Variants in NCKAP1 observed in about 807,000 individuals in gnomAD.
The protein encoded by NCKAP1 is nck-associated protein 1.
Under a neutral mutation model 151.2 loss-of-function variants are expected in NCKAP1, and 21 were observed. The observed-to-expected ratio is 0.14, with a 90% CI of 0.10 to 0.20. The LOEUF is 0.20. Among genes scored for constraint, NCKAP1 ranks in the 10% least tolerant of loss-of-function variants. The probability of loss-of-function intolerance (pLI) is 1.00; values close to 1 mark genes in which losing one functional copy is unlikely to be tolerated. For synonymous variants in NCKAP1, 484 were observed against 451.8 expected, an observed-to-expected ratio of 1.07 and a Z score of -0.90; for missense variants, 933 against 1,352.1, an observed-to-expected ratio of 0.69 and a Z score of 4.86.
chr2:182,959,042 T>C lies in NCKAP1; in HGVS notation c.1882-1446A>G, dbSNP rs577509203. On this transcript the variant is annotated intron_variant, in intron 18 of 30. Transcript: ENST00000361354. Reference sequence around the variant, plus strand: ...CCTGTTTCTTTCTAAGTTTTGTGTATGGCTACTACAAAATTTTAAATTACA... The same window carrying C: ...CCTGTTTCTTTCTAAGTTTTGTGTACGGCTACTACAAAATTTTAAATTACA... 4.1e-4 allele frequency among the ~76,000 whole-genome samples: 62 copies of C among 152,360 alleles called. 1 individual carries two copies. The highest frequency in any genetic ancestry group is 6.8e-3 in the Middle Eastern group (2 of 294).
At chr2:182,926,950 T>A (rs762741101) in intron 29 of NCKAP1, 45 bp from the exon 30 acceptor site, 1 of 1,307,658 alleles carries the variant, frequency 7.6e-7, no homozygotes, top group Non-Finnish European at 1.1e-6. Context: ...TAATAAAAGG[T>A]TCATCGGTTA....
intron 24 of NCKAP1, among the ~76,000 whole-genome samples, chr2:182,940,479 G>A (rs1001581018): frequency 1.7e-4 from 25 of 150,366 alleles, no homozygotes; most frequent in African/African-American, 5.4e-4. Flanking sequence ...TGCTCTTGTC[G>A]CCCAGGCTGT....
chr2:183,037,477 G>C (rs747812656), intron 1 of NCKAP1, among the ~76,000 whole-genome samples: 25 of 151,816 alleles, frequency 1.6e-4, no homozygotes, highest in Non-Finnish European at 5.9e-5. Flanking sequence ...AAATAAAGTG[G>C]CAAAGTGGAG....
chr2:182,994,858 T>C lies in NCKAP1; in HGVS notation c.771A>G (p.Ala257=). 1 of 1,606,828 alleles carries C rather than the reference T, an allele frequency of 6.2e-7. No individual in the cohort carries two copies. Among genetic ancestry groups the C allele is most frequent in the Non-Finnish European group, 8.5e-7 (1 of 1,173,514 alleles). ...TMPCEYLSLD[A]MEKWIIFGFI... is the part of the protein sequence containing the mutation. Reference sequence around the variant, plus strand: ...ACTTACAGATAATCCACTTTTCCATTGCATCCAAAGAGAGGTATTCACAAG... The same window carrying C: ...ACTTACAGATAATCCACTTTTCCATCGCATCCAAAGAGAGGTATTCACAAG... The change falls in exon 8 of 31, where the codon GCA becomes GCG. Residue 257 remains alanine, a synonymous_variant. Coordinates refer to ENST00000361354, the MANE Select transcript of NCKAP1 (RefSeq NM_013436.5).
intron 24 of NCKAP1, among the ~76,000 whole-genome samples, chr2:182,935,916 T>A (rs545158955): frequency 6.6e-6 from 1 of 152,114 alleles, no homozygotes; most frequent in South Asian, 2.1e-4. Context: ...CTGAACAGAT[T>A]TGATCACTTA....
At chr2:182,950,009 C>A (rs1301531197) in intron 23 of NCKAP1, among the ~76,000 whole-genome samples, 2 of 152,140 alleles carry the variant, frequency 1.3e-5, no homozygotes, top group Non-Finnish European at 2.9e-5. Flanking sequence ...GTGATGTTTG[C>A]TATTTTAGAA....
intron 24 of NCKAP1, among the ~76,000 whole-genome samples, chr2:182,940,515 C>T (rs1696975207): frequency 6.6e-6 from 1 of 152,134 alleles, no homozygotes; most frequent in South Asian, 2.1e-4. Flanking sequence ...TCTCAGCCGA[C>T]TGCAACCTCC....
intron 10 of NCKAP1, among the ~76,000 whole-genome samples, chr2:182,983,917 GC>G (rs1173137288): frequency 4.6e-5 from 7 of 151,958 alleles, no homozygotes; most frequent in Admixed American, 3.3e-4. Flanking sequence ...TGTAATCCCA[GC>G]TACTTGGGAG....
At chr2:183,005,910 C>T (rs1177123559) in intron 2 of NCKAP1, among the ~76,000 whole-genome samples, 1 of 152,178 alleles carries the variant, frequency 6.6e-6, no homozygotes, top group East Asian at 1.9e-4. Context: ...ATCCCATTTT[C>T]AGAAAACCGC....
intron 23 of NCKAP1, among the ~76,000 whole-genome samples, chr2:182,950,019 A>G (rs767419038): frequency 1.3e-5 from 2 of 152,198 alleles, no homozygotes; most frequent in South Asian, 4.1e-4. Context: ...CTATTTTAGA[A>G]AGCTTGGTCA....
intron 2 of NCKAP1, 47 bp downstream of exon 2, chr2:183,023,759 C>G (rs746736917): frequency 1.4e-6 from 2 of 1,467,638 alleles, no homozygotes; most frequent in Non-Finnish European, 1.9e-6. Flanking sequence ...CACTGTTTCT[C>G]TAAAAGATGC....
chr2:182,988,622 A>C (rs1022017189), intron 9 of NCKAP1, among the ~76,000 whole-genome samples: 7 of 152,234 alleles, frequency 4.6e-5, no homozygotes, highest in Non-Finnish European at 1.0e-4. Context: ...TGTAATGGTT[A>C]TAATTAATCC....
chr2:182,971,402 A>T (rs1442604943), intron 15 of NCKAP1, among the ~76,000 whole-genome samples: 10 of 150,582 alleles, frequency 6.6e-5, no homozygotes, highest in African/African-American at 2.4e-4. Flanking sequence ...TCAAAAAAAA[A>T]AAAAAAAAAA....
At chr2:182,941,951 A>C in intron 24 of NCKAP1, 119 bp downstream of exon 24, 1 of 725,446 alleles carries the variant, frequency 1.4e-6, no homozygotes, top group Non-Finnish European at 2.2e-6. Flanking sequence ...TCTCTTCATA[A>C]GCTAAAGAGT....
chr2:182,990,074 C>T (rs144627143), intron 8 of NCKAP1, among the ~76,000 whole-genome samples: 1 of 151,686 alleles, frequency 6.6e-6, no homozygotes, highest in East Asian at 1.9e-4. Flanking sequence ...GAGAATAAAT[C>T]ATAGCATCTC....
chr2:182,932,727 G>T (rs1235017085), intron 26 of NCKAP1, among the ~76,000 whole-genome samples: 3 of 151,804 alleles, frequency 2.0e-5, no homozygotes, highest in Non-Finnish European at 4.4e-5. Flanking sequence ...GATTATGTCA[G>T]GTGAAAAGTG....
chr2:182,948,426 T>G (rs956163129), intron 23 of NCKAP1, among the ~76,000 whole-genome samples: 2 of 152,114 alleles, frequency 1.3e-5, no homozygotes, highest in Non-Finnish European at 2.9e-5. Flanking sequence ...CCCCTAACTT[T>G]AAATTTTAAT....
chr2:182,983,414 G>A, intron 10 of NCKAP1, 32 bp from the exon 11 acceptor site: 1 of 1,439,162 alleles, frequency 6.9e-7, no homozygotes, highest in South Asian at 1.2e-5. Context: ...TAGTTTATCT[G>A]CTTCTACTAA....
At chr2:182,938,648 A>G (rs560730095) in intron 24 of NCKAP1, among the ~76,000 whole-genome samples, 1 of 152,310 alleles carries the variant, frequency 6.6e-6, no homozygotes, top group South Asian at 2.1e-4. Flanking sequence ...ACAGACTTAA[A>G]AAGTGTTATT....
Sources: gnomAD v4.1 joint callset for allele counts (sites outside exome capture counted in the v4.1 genomes callset) on GRCh38, gnomAD v4.1.1 for gene constraint, MANE v1.5 for transcripts, NCBI Gene and HGNC (gene_info 2026-07-23, HGNC 2026-07-21) for gene names.